GRIN2B: variants seen among roughly 807,000 people sequenced by gnomAD.
GRIN2B encodes the protein glutamate receptor ionotropic, NMDA 2B.
GRIN2B carries 5 observed loss-of-function variants against 114.5 expected under a neutral mutation model. The observed-to-expected ratio is 0.04, with a 90% CI of 0.02 to 0.09. The LOEUF (loss-of-function observed/expected upper bound fraction) is 0.09, where lower values mean the gene tolerates loss of function less well. GRIN2B is among the 10% of genes least tolerant of loss of function. The pLI, the probability that GRIN2B is intolerant of heterozygous loss-of-function variation, is 1.00. For missense variants in GRIN2B, 1,108 were observed against 1,943.5 expected, an observed-to-expected ratio of 0.57 and a Z score of 8.08; for synonymous variants, 787 against 745.1, an observed-to-expected ratio of 1.06 and a Z score of -0.92.
intron 2 of GRIN2B, among the ~76,000 whole-genome samples, chr12:13,892,548 G>T (rs986441660): frequency 6.6e-6 from 1 of 152,184 alleles, no homozygotes; most frequent in Non-Finnish European, 1.5e-5. Context: ...CTGAAACAGG[G>T]CGCAGGCCAG....
chr12:13,776,247 G>C lies in GRIN2B; in HGVS notation c.412-22332C>G, dbSNP rs1463852388. 2.6e-5 allele frequency among the ~76,000 whole-genome samples: 4 copies of C among 152,120 alleles called. 1 individual carries two copies. The highest frequency in any genetic ancestry group is 9.6e-5 in the African/African-American group (4 of 41,498). ...TTATGAGAACACATGGACACACTGG[G>C]GGAAATAACACACACTGGGGCCTGT... On this transcript the variant is annotated intron_variant, in intron 3 of 13. Transcript: ENST00000609686.
At chr12:13,933,893 G>C (rs1867082056) in intron 2 of GRIN2B, among the ~76,000 whole-genome samples, 1 of 152,188 alleles carries the variant, frequency 6.6e-6, no homozygotes. Context: ...GAAGCGGTAA[G>C]AGTGAATATT....
chr12:13,666,493 C>A (rs1949977026), intron 5 of GRIN2B, among the ~76,000 whole-genome samples: 1 of 152,108 alleles, frequency 6.6e-6, no homozygotes, highest in Non-Finnish European at 1.5e-5. Context: ...TATAAAATCA[C>A]CCTGAATAAT....
chr12:13,700,167 C>T (rs2268110), intron 4 of GRIN2B, among the ~76,000 whole-genome samples: 21,682 of 152,026 alleles, frequency 0.14, 1,790 homozygotes, highest in East Asian at 0.33. Context: ...ATCATCTGCA[C>T]AGTAAGTACA....
At chr12:13,628,069 TTAA>T (rs1448480165) in intron 5 of GRIN2B, among the ~76,000 whole-genome samples, 2 of 152,204 alleles carry the variant, frequency 1.3e-5, no homozygotes, top group Non-Finnish European at 2.9e-5. Context: ...GCCACAAATA[TTAA>T]TATTATGTGC....
intron 5 of GRIN2B, among the ~76,000 whole-genome samples, chr12:13,644,097 A>G (rs1026284530): frequency 2.6e-5 from 4 of 152,168 alleles, no homozygotes; most frequent in African/African-American, 9.7e-5. Context: ...GAAGGTTTCA[A>G]TTTACTTTGC....
At chr12:13,852,343 A>T (rs1185947806) in intron 3 of GRIN2B, among the ~76,000 whole-genome samples, 1 of 152,214 alleles carries the variant, frequency 6.6e-6, no homozygotes, top group Non-Finnish European at 1.5e-5. Context: ...ACACTAGTGC[A>T]TGGAAACTCC....
chr12:13,696,185 T>A (rs559716559), intron 4 of GRIN2B, among the ~76,000 whole-genome samples: 1 of 152,004 alleles, frequency 6.6e-6, no homozygotes, highest in African/African-American at 2.4e-5. Flanking sequence ...CAAGAAGGGG[T>A]GCAGCATAAT....
At chr12:13,809,612 T>C (rs1221208928) in intron 3 of GRIN2B, among the ~76,000 whole-genome samples, 2 of 152,158 alleles carry the variant, frequency 1.3e-5, no homozygotes, top group African/African-American at 4.8e-5. Flanking sequence ...GCCTGAGAGA[T>C]GGTCAGCATG....
intron 3 of GRIN2B, among the ~76,000 whole-genome samples, chr12:13,799,120 T>C (rs1864464038): frequency 6.6e-6 from 1 of 152,186 alleles, no homozygotes; most frequent in Non-Finnish European, 1.5e-5. Context: ...TTGCATCCCC[T>C]GGAAGCTGTT....
rs1365729073 is a variant in GRIN2B, at chr12:13,574,999, T to C, written c.2011-3035A>G. On this transcript the variant is annotated intron_variant, in intron 10 of 13. Coordinates refer to ENST00000609686, the MANE Select transcript of GRIN2B (RefSeq NM_000834.5). Reference sequence around the variant, plus strand: ...CAAATGGTGTTGGAATAATTAGACATCTGTTTGATAAAAAGGAACTTCATT... The same window carrying C: ...CAAATGGTGTTGGAATAATTAGACACCTGTTTGATAAAAAGGAACTTCATT... Among the ~76,000 whole-genome samples, 9 of 152,296 alleles carry C rather than the reference T, an allele frequency of 5.9e-5. No individual in the cohort carries two copies. In the East Asian group the frequency reaches 1.7e-3, roughly 29 times the overall value.
rs1401966889 is a variant in GRIN2B at position 13,753,047 on chromosome 12, T to C, written c.1010+270A>G. Among the ~76,000 whole-genome samples, 1 of 152,262 alleles carries C rather than the reference T, an allele frequency of 6.6e-6. No homozygotes were observed. Among genetic ancestry groups the C allele is most frequent in the East Asian group, 1.9e-4 (1 of 5,206 alleles). ...GAAACAATTGTTAAAACCTGACTTA[T>C]AGAGTTATTTTGAGGATCAAATGAA... On this transcript the variant is annotated intron_variant, in intron 4 of 13. Coordinates refer to ENST00000609686, the MANE Select transcript of GRIN2B (RefSeq NM_000834.5). The surrounding 1 kb of genome is among the most constrained non-coding windows in gnomAD (Gnocchi z 6.2).
intron 2 of GRIN2B, among the ~76,000 whole-genome samples, chr12:13,904,391 T>C (rs1866505267): frequency 2.6e-5 from 4 of 152,094 alleles, no homozygotes; most frequent in Non-Finnish European, 5.9e-5. Context: ...ATTACCCTTC[T>C]TTCAGAAAAT....
In GRIN2B at chr12:13,675,774, G is replaced by T. The variant is rs761559136; in HGVS notation, c.1096C>A (p.Leu366Ile). The change falls in exon 5 of 14, where the codon CTT becomes ATT. Residue 366 changes from leucine to isoleucine, a missense_variant. Physicochemically the swap from Leu to Ile is conservative, Grantham distance 5. Around this residue, in one of 19 missense-constraint regions of GRIN2B, gnomAD observed 199 missense variants for 439.6 expected, o/e 0.45. Coordinates refer to ENST00000609686, the MANE Select transcript of GRIN2B (RefSeq NM_000834.5). Reference sequence around the variant, plus strand: ...TCCCACTTCCTCTCCTTGTTCAGAAGAATTATCACCAGTTTCGGGTGCATC... The same window carrying T: ...TCCCACTTCCTCTCCTTGTTCAGAATAATTATCACCAGTTTCGGGTGCATC... The part of the protein sequence containing the change: ...YQMHPKLVII[L>I]LNKERKWERV... The T allele has an allele frequency of 1.2e-6, 2 of 1,609,406 alleles. No individual in the cohort carries two copies. The highest frequency in any genetic ancestry group is 1.7e-6 in the Non-Finnish European group (2 of 1,175,950).
intron 4 of GRIN2B, among the ~76,000 whole-genome samples, chr12:13,742,862 G>C (rs2136617838): frequency 1.3e-5 from 2 of 152,320 alleles, no homozygotes; most frequent in South Asian, 2.1e-4. Context: ...AGCAAAGTGT[G>C]GAACTTCAGG....
chr12:13,940,851 A>T (rs1355597801), intron 2 of GRIN2B, among the ~76,000 whole-genome samples: 1 of 151,656 alleles, frequency 6.6e-6, no homozygotes, highest in Non-Finnish European at 1.5e-5. Flanking sequence ...CCCCACCCTG[A>T]CATATACCCC....
At chr12:13,579,789 T>C (rs968023992) in intron 10 of GRIN2B, among the ~76,000 whole-genome samples, 1 of 151,784 alleles carries the variant, frequency 6.6e-6, no homozygotes, top group African/African-American at 2.4e-5. Context: ...AACAGACGCA[T>C]TGTCAGATAT....
rs1383520652 is a variant in GRIN2B at position 13,560,876 on chromosome 12, G to C, written c.*1907C>G. 3.9e-5 allele frequency: 6 copies of C among 152,302 alleles called. No individual in the cohort carries two copies. The highest frequency in any genetic ancestry group is 8.8e-5 in the Non-Finnish European group (6 of 68,086). 9.4% of individuals were successfully genotyped at this position (152,302 alleles called of 1,614,324 possible). On this transcript the variant is annotated 3_prime_UTR_variant, in exon 14 of 14. Transcript: ENST00000609686. Reference sequence around the variant, plus strand: ...GAGTGAGGGCAAACAGGGGCGAAGAGCAGCCCTGGAGGGAGTGACTTGAAG... The same window carrying C: ...GAGTGAGGGCAAACAGGGGCGAAGACCAGCCCTGGAGGGAGTGACTTGAAG...
chr12:13,593,821 A>C (rs1949039274), intron 10 of GRIN2B, among the ~76,000 whole-genome samples: 1 of 152,214 alleles, frequency 6.6e-6, no homozygotes, highest in Admixed American at 6.5e-5. Flanking sequence ...AAAGCACTTA[A>C]ATTTACAAGA....
Sources: allele counts gnomAD v4.1 joint callset (sites outside exome capture counted in the v4.1 genomes callset), GRCh38; gene constraint gnomAD v4.1.1; regional missense constraint gnomAD v4.1.1; non-coding constraint Gnocchi (gnomAD v3.1); transcripts MANE v1.5; gene names NCBI Gene and HGNC (gene_info 2026-07-23, HGNC 2026-07-21).